SOX6: variants seen among roughly 807,000 people sequenced by gnomAD.
SOX6 encodes SRY-box transcription factor 6.
SOX6 carries 11 observed loss-of-function variants against 97.8 expected under a neutral mutation model. That is an observed-to-expected ratio of 0.11 (90% confidence interval 0.07 to 0.19). SOX6 has a LOEUF of 0.19. Ranked by LOEUF, SOX6 falls within the 10% of genes least tolerant of loss-of-function variation. SOX6 has a pLI of 1.00. For synonymous variants in SOX6, 360 were observed against 371.4 expected (o/e 0.97, Z 0.35); for missense variants, 810 against 1,039.5 (o/e 0.78, Z 3.04).
At chr11:16,165,027 A>C (rs1027183686) in intron 6 of SOX6, among the ~76,000 whole-genome samples, 7 of 152,168 alleles carry the variant, frequency 4.6e-5, no homozygotes, top group African/African-American at 2.4e-5. Flanking sequence ...TTACTAAAAT[A>C]ACAAATAGTA....
At chr11:16,496,512 G>A (rs1860599277) in intron 4 of SOX6, among the ~76,000 whole-genome samples, 1 of 152,224 alleles carries the variant, frequency 6.6e-6, no homozygotes, top group African/African-American at 2.4e-5. Context: ...AGCCAAAGCA[G>A]GGCAAGGCAT....
chr11:16,147,513 AT>A (rs753947134), intron 6 of SOX6, among the ~76,000 whole-genome samples: 8 of 152,196 alleles, frequency 5.3e-5, no homozygotes, highest in East Asian at 1.9e-4. Flanking sequence ...ATAAAAAAAA[AT>A]AAAAGAGTCC....
intron 3 of SOX6, among the ~76,000 whole-genome samples, chr11:16,291,363 G>GAATGAATAAATAAATA (rs1554954087): frequency 6.8e-6 from 1 of 148,040 alleles, no homozygotes; most frequent in Non-Finnish European, 1.5e-5. Flanking sequence ...TATAATGAAT[G>GAATGAATAAATAAATA]AATAAATAAA....
At chr11:16,550,853 C>A (rs892811549) in intron 4 of SOX6, among the ~76,000 whole-genome samples, 4 of 151,988 alleles carry the variant, frequency 2.6e-5, no homozygotes, top group Non-Finnish European at 4.4e-5. Context: ...GCTATTTAAA[C>A]AACAGTGGAG....
intron 4 of SOX6, among the ~76,000 whole-genome samples, chr11:16,582,937 A>G (rs1848044323): frequency 6.6e-6 from 1 of 152,094 alleles, no homozygotes; most frequent in Non-Finnish European, 1.5e-5. Flanking sequence ...CTTGCTATTC[A>G]TTTCACAAAG....
At chr11:16,147,209 G>A (rs1850329966) in intron 6 of SOX6, among the ~76,000 whole-genome samples, 1 of 152,020 alleles carries the variant, frequency 6.6e-6, no homozygotes, top group South Asian at 2.1e-4. Flanking sequence ...TGAGGGACAT[G>A]GATGAAGCTG....
intron 6 of SOX6, among the ~76,000 whole-genome samples, chr11:16,141,505 C>T (rs1182688943): frequency 1.3e-5 from 2 of 152,068 alleles, no homozygotes; most frequent in African/African-American, 2.4e-5. Context: ...TGGGGCTTGT[C>T]GGACAGTGGG....
chr11:16,501,291 C>T (rs552828775), intron 4 of SOX6, among the ~76,000 whole-genome samples: 4 of 152,168 alleles, frequency 2.6e-5, no homozygotes, highest in South Asian at 4.2e-4. Context: ...CTTCCTTACA[C>T]CTTATATAAA....
rs535687419 is a variant in SOX6, at chr11:16,472,635, A to T, written c.-5+3680T>A. Among the ~76,000 whole-genome samples the T allele has an allele frequency of 3.6e-4, 55 of 152,302 alleles. No individual in the cohort carries two copies. In the South Asian group the frequency reaches 0.011, roughly 30 times the overall value. On this transcript the variant is annotated intron_variant, in intron 1 of 15. Transcript: ENST00000396356. ...AATTTATTATTAAAACATTAAAAAT[A>T]CATAAAATGTATTAAACTATATTAA...
At chr11:16,063,413 G>A (rs1384982483) in intron 9 of SOX6, among the ~76,000 whole-genome samples, 1 of 147,466 alleles carries the variant, frequency 6.8e-6, no homozygotes, top group Non-Finnish European at 1.5e-5. Flanking sequence ...TTTGAAAAGA[G>A]AAGCATGCTT....
At chr11:16,160,494 T>C (rs540524465) in intron 6 of SOX6, among the ~76,000 whole-genome samples, 1 of 152,314 alleles carries the variant, frequency 6.6e-6, no homozygotes, top group Non-Finnish European at 1.5e-5. Flanking sequence ...TAATGACTTA[T>C]CTTAAATACC....
At chr11:16,628,109 T>C (rs971553049) in intron 3 of SOX6, among the ~76,000 whole-genome samples, 1 of 152,218 alleles carries the variant, frequency 6.6e-6, no homozygotes, top group African/African-American at 2.4e-5. Context: ...GTTGTAGGTA[T>C]GTGGCTTTAT....
At chr11:16,313,027 AT>A (rs1347895856) in intron 3 of SOX6, 3 of 152,174 alleles carry the variant, frequency 2.0e-5, no homozygotes, top group African/African-American at 7.2e-5. Context: ...TCAAAGTTAA[AT>A]TTACAAAAGA....
In SOX6 at chr11:16,582,752, CA is replaced by C. The variant is rs569358631; in HGVS notation, n.609+29328del. ...GGGTTTCTCAGTAAAATATAATTAC[CA>C]ACTGTCTCAAGAAAGAATAGAAAAT... On this transcript the variant is annotated intron_variant and non_coding_transcript_variant, in intron 4 of 5. Coordinates refer to the SOX6 transcript ENST00000524520. Among the ~76,000 whole-genome samples, 7 of 151,898 alleles carry C rather than the reference CA, an allele frequency of 4.6e-5. No individual in the cohort carries two copies. In the East Asian group the frequency reaches 1.4e-3, roughly 29 times the overall value.
chr11:16,554,980 T>C (rs113824571), intron 4 of SOX6, among the ~76,000 whole-genome samples: 1,584 of 152,132 alleles, frequency 0.01, 10 homozygotes, highest in Non-Finnish European at 0.018. Flanking sequence ...GTATCAGTAT[T>C]GAATGTCATT....
chr11:16,353,056 C>T (rs1040024489), intron 1 of SOX6, among the ~76,000 whole-genome samples: 2 of 152,014 alleles, frequency 1.3e-5, no homozygotes, highest in South Asian at 4.1e-4. Flanking sequence ...AGATGATCAA[C>T]ATTTAATTAT....
chr11:16,551,509 C>T (rs996148546), intron 4 of SOX6, among the ~76,000 whole-genome samples: 4 of 152,170 alleles, frequency 2.6e-5, no homozygotes, highest in Middle Eastern at 3.4e-3. Flanking sequence ...AGATTCACAG[C>T]ATGTGACACT....
At chr11:16,369,524 A>G (rs117025097) in intron 1 of SOX6, among the ~76,000 whole-genome samples, 6,752 of 152,270 alleles carry the variant, frequency 0.044, 265 homozygotes, top group South Asian at 0.062. Flanking sequence ...GGAGATAGAA[A>G]AGAGTTTAAA....
intron 7 of SOX6, among the ~76,000 whole-genome samples, chr11:16,107,755 G>C (rs1304555187): frequency 1.3e-5 from 2 of 152,028 alleles, no homozygotes; most frequent in African/African-American, 4.8e-5. Flanking sequence ...TAACGCCACT[G>C]AGTTATATAC....
Sources: gnomAD v4.1 joint callset for allele counts (sites outside exome capture counted in the v4.1 genomes callset) on GRCh38, gnomAD v4.1.1 for gene constraint, MANE v1.5 for transcripts, NCBI Gene and HGNC (gene_info 2026-07-23, HGNC 2026-07-21) for gene names.